Variants in HM13 observed in about 807,000 individuals in gnomAD.
HM13 encodes the protein histocompatibility minor 13, also known as signal peptide peptidase.
A neutral mutation model predicts 50.0 loss-of-function variants in HM13; 18 were observed. The observed-to-expected ratio is 0.36, with a 90% confidence interval of 0.25 to 0.53. The LOEUF is 0.53. HM13 is among the 20% of genes least tolerant of loss of function. The pLI is 0.90. For missense variants in HM13, 393 were observed against 552.4 expected (o/e 0.71, Z 2.89); for synonymous variants, 197 against 232.6 (o/e 0.85, Z 1.39).
intron 1 of HM13, among the ~76,000 whole-genome samples, chr20:31,523,130 G>A (rs1459939470): frequency 6.7e-6 from 1 of 150,236 alleles, no homozygotes; most frequent in African/African-American, 2.5e-5. Context: ...CACTCACTAC[G>A]GCCTCCACCT....
intron 7 of HM13, 31 bp downstream of exon 7, chr20:31,550,152 T>C (rs763636868): frequency 1.3e-6 from 2 of 1,578,254 alleles, no homozygotes; most frequent in Middle Eastern, 1.7e-4. Context: ...AGGGAACCCC[T>C]TCCCCCACCC....
Position 31,568,200 on chromosome 20 carries a change from G to A in HM13, c.1157G>A (p.Arg386Gln), listed in dbSNP as rs772845888. The part of the protein sequence containing the change: ...MQQKLAGPRR[R>Q]RPQNPSAIYE... ...CAGAAGCTAGCTGGCCCTCGCCGCC[G>A]GCGCCCGCAGAATCCCAGCGCCATG... Residue 386 changes from arginine (R) to glutamine (Q), a missense_variant, in exon 12 of 13, where the codon CGG (arginine) becomes CAG (glutamine). Coordinates refer to ENST00000398174, the MANE Select transcript of HM13 (RefSeq NM_178581.3). The A allele has an allele frequency of 3.1e-5, 50 of 1,612,698 alleles. No homozygotes were observed. The South Asian group carries it at 3.6e-4, about 12-fold the overall frequency.
Position 31,568,110 on chromosome 20 carries a change from C to T in HM13, c.1067C>T (p.Thr356Ile), listed in dbSNP as rs1199663850. The T allele has an allele frequency of 3.1e-6, 5 of 1,612,934 alleles. No individual in the cohort carries two copies. Among genetic ancestry groups the T allele is most frequent in the Non-Finnish European group, 4.2e-6 (5 of 1,179,686 alleles). The change falls in exon 12 of 13, where the codon ACC becomes ATC. Residue 356 changes from threonine (T) to isoleucine (I), a missense_variant. Thr to Ile is a moderately conservative substitution (Grantham distance 89). This residue lies in a region of HM13 where 105 missense variants were observed against 115.9 expected (regional missense o/e 0.91). Coordinates refer to ENST00000398174, the MANE Select transcript of HM13 (RefSeq NM_178581.3). ...TCCTCGGCGGAAATCCTGCCTCATA[C>T]CCCGAGGCTCACCCACTTCCCCACA... ...YESSAEILPH[T>I]PRLTHFPTVS... is the part of the protein sequence containing the mutation.
intron 8 of HM13, among the ~76,000 whole-genome samples, chr20:31,556,602 C>T (rs1055907082): frequency 6.6e-6 from 1 of 152,148 alleles, no homozygotes; most frequent in Admixed American, 6.6e-5. Flanking sequence ...GGACTCAGAC[C>T]AGCACTGTCC....
At chr20:31,554,672 A>G in intron 7 of HM13, 74 bp from the exon 8 acceptor site, 4 of 1,273,114 alleles carry the variant, frequency 3.1e-6, no homozygotes, top group Non-Finnish European at 4.5e-6. Context: ...ACAGTGCGAG[A>G]CTCCGTCTCA....
At chr20:31,556,949 G>A (rs1221651440) in intron 8 of HM13, among the ~76,000 whole-genome samples, 1 of 151,402 alleles carries the variant, frequency 6.6e-6, no homozygotes, top group Non-Finnish European at 1.5e-5. Context: ...AACCCGGGAG[G>A]TGGAGCTTGC....
In HM13 at chr20:31,514,576, C is replaced by T. The variant is rs202162303; in HGVS notation, c.25C>T (p.His9Tyr). The change falls in exon 1 of 13, where the codon CAT becomes TAT. Residue 9 changes from histidine (H) to tyrosine (Y), a missense_variant. This residue lies in a region of HM13 where 214 missense variants were observed against 276.1 expected (regional missense o/e 0.77). Transcript: ENST00000398174. The surrounding 1 kb of genome is among the most constrained non-coding windows in gnomAD (Gnocchi z 4.3). The stretch of plus-strand genomic sequence containing the variant: ...CATGGACTCGGCCCTCAGCGATCCG[C>T]ATAACGGCAGTGCCGAGGCAGGCGG... MDSALSDP[H>Y]NGSAEAGGPT... 4.6e-5 allele frequency: 74 copies of T among 1,606,630 alleles called. No homozygotes were observed. The highest frequency in any genetic ancestry group is 6.1e-5 in the Non-Finnish European group (72 of 1,177,998).
intron 4 of HM13, chr20:31,547,984 G>A (rs914210258): frequency 2.5e-6 from 4 of 1,578,592 alleles, no homozygotes; most frequent in South Asian, 2.2e-5. Flanking sequence ...AGTCAACAAA[G>A]GAATTGGCAT....
chr20:31,557,899 G>T (rs1481489838), intron 8 of HM13, among the ~76,000 whole-genome samples: 1 of 152,136 alleles, frequency 6.6e-6, no homozygotes, highest in Non-Finnish European at 1.5e-5. Context: ...TAGAGACGGG[G>T]TTGCACCATT....
rs190517412 is a variant in HM13, at chr20:31,566,522, A to C, written c.1034+227A>C. 2.3e-3 allele frequency among the ~76,000 whole-genome samples: 344 copies of C among 152,210 alleles called. 2 individuals are homozygous for C. Among genetic ancestry groups the C allele is most frequent in the Non-Finnish European group, 3.7e-3 (251 of 67,996 alleles). ...GGAGCGCAAGGCATCAGAGCCCTCT[A>C]GGCATCCCCCATCCAAATGTTAGCT... On this transcript the variant is annotated intron_variant, in intron 11 of 12. Transcript: ENST00000398174.
intron 3 of HM13, among the ~76,000 whole-genome samples, chr20:31,542,835 G>C (rs975742703): frequency 6.6e-5 from 10 of 152,158 alleles, no homozygotes; most frequent in Admixed American, 6.6e-4. Context: ...TAGCATTCCA[G>C]ATGAGGAACA....
intron 2 of HM13, among the ~76,000 whole-genome samples, chr20:31,529,794 C>T (rs1192519545): frequency 1.3e-5 from 2 of 151,938 alleles, no homozygotes; most frequent in African/African-American, 4.8e-5. Context: ...TGGTGAAACC[C>T]GGTCTCTACT....
At chr20:31,542,312 G>A (rs1983491360) in intron 3 of HM13, among the ~76,000 whole-genome samples, 1 of 152,218 alleles carries the variant, frequency 6.6e-6, no homozygotes, top group African/African-American at 2.4e-5. Flanking sequence ...CTGTGTCTGA[G>A]CTCGTGCCCC....
At chr20:31,549,511 T>TTCTACCTCTTTCTGAGAGCACAC (rs1359069878) in intron 6 of HM13, among the ~76,000 whole-genome samples, 179 bp downstream of exon 6, 4 of 152,140 alleles carry the variant, frequency 2.6e-5, no homozygotes, top group Non-Finnish European at 5.9e-5. Context: ...AGAGAGCAGA[T>TTCTACCTCTTTCTGAGAGCACAC]TCTACCTCTT....
In HM13 at chr20:31,546,619, T is replaced by C. The variant is rs142754173; in HGVS notation, c.454+1584T>C. On this transcript the variant is annotated intron_variant, in intron 4 of 12. Coordinates refer to ENST00000398174, the MANE Select transcript of HM13 (RefSeq NM_178581.3). ...CACAAAAAAAATTAGCCAGGCATGG[T>C]GGCGTGTACCTGTAATCCTAGCTAC... Among the ~76,000 whole-genome samples, 439 of 152,014 alleles carry C rather than the reference T, an allele frequency of 2.9e-3. 5 individuals carry two copies. The highest frequency in any genetic ancestry group is 0.01 in the African/African-American group (425 of 41,492).
intron 3 of HM13, chr20:31,540,189 G>A (rs969713613): frequency 1.3e-5 from 2 of 152,270 alleles, no homozygotes; most frequent in African/African-American, 4.8e-5. Context: ...TAGCTAGCTT[G>A]GGAGAATTCT....
chr20:31,549,957 C>G lies in HM13; in HGVS notation c.667-107C>G, dbSNP rs1017082331. The G allele has an allele frequency of 6.2e-5, 52 of 834,338 alleles. 1 individual carries two copies. The highest frequency in any genetic ancestry group is 5.0e-4 in the South Asian group (36 of 71,970). The allele number at this position is 834,338 out of a possible 1,614,324, so 51.7% of individuals were successfully genotyped here. ...AGATCTGCACTGGAGCCCCTCCCAG[C>G]TCCCCTCAGATCCCAGGCAGCAGCA... On this transcript the variant is annotated intron_variant, in intron 6 of 12. Transcript: ENST00000398174.
rs1161750918 is a variant in HM13, at chr20:31,517,231, G to C, written c.183+2497G>C. On this transcript the variant is annotated intron_variant, in intron 1 of 12. Coordinates refer to ENST00000398174, the MANE Select transcript of HM13 (RefSeq NM_178581.3). The stretch of plus-strand genomic sequence containing the variant: ...GGACAGAATCCCCAAGGGTCAAGGT[G>C]TCCATAACAGGCAGGGAAAATTGTG... 4.6e-5 allele frequency among the ~76,000 whole-genome samples: 7 copies of C among 152,142 alleles called. No individual in the cohort carries two copies. The East Asian group carries it at 1.3e-3, about 29-fold the overall frequency.
At chr20:31,526,110 G>A (rs1255871268) in intron 1 of HM13, among the ~76,000 whole-genome samples, 1 of 151,898 alleles carries the variant, frequency 6.6e-6, no homozygotes, top group Non-Finnish European at 1.5e-5. Context: ...AGGTGACAGA[G>A]CTCATGAGAC....
Sources: allele counts gnomAD v4.1 joint callset (sites outside exome capture counted in the v4.1 genomes callset), GRCh38; gene constraint gnomAD v4.1.1; regional missense constraint gnomAD v4.1.1; non-coding constraint Gnocchi (gnomAD v3.1); transcripts MANE v1.5; gene names NCBI Gene and HGNC (gene_info 2026-07-23, HGNC 2026-07-21).